The following PCDHGA9 variants were observed in gnomAD, a reference collection of about 807,000 sequenced individuals.
PCDHGA9 encodes protocadherin gamma subfamily A, 9.
A neutral mutation model predicts 62.5 loss-of-function variants in PCDHGA9; 37 were observed. That is an observed-to-expected ratio of 0.59 (90% CI 0.46 to 0.78). PCDHGA9 has a LOEUF of 0.78. Among genes scored for constraint, PCDHGA9 ranks in the 30% least tolerant of loss-of-function variants. PCDHGA9 has a pLI of 0.00. For missense variants in PCDHGA9, 1,138 were observed against 1,166.2 expected, an observed-to-expected ratio of 0.98 and a Z score of 0.35; for synonymous variants, 459 against 484.6, an observed-to-expected ratio of 0.95 and a Z score of 0.69.
chr5:141,425,337 G>A (rs1327677274), intron 1 of PCDHGA9, among the ~76,000 whole-genome samples: 1 of 152,186 alleles, frequency 6.6e-6, no homozygotes. Flanking sequence ...AAAAAGGAAG[G>A]GTTGGCTTTG....
rs752604165 is a variant in PCDHGA9, at chr5:141,494,771, G to A, written c.2425-36G>A. On this transcript the variant is annotated intron_variant, in intron 1 of 3. Coordinates refer to ENST00000573521, the MANE Select transcript of PCDHGA9 (RefSeq NM_018921.3). ...CTCGGGTGACATTCTAACTTCTCAC[G>A]GGTACTCAGCCCCTTTCCCTCTGTT... 74 of 1,613,730 alleles carry A rather than the reference G, an allele frequency of 4.6e-5. No homozygotes were observed. The East Asian group carries it at 1.6e-3, about 36-fold the overall frequency.
chr5:141,485,446 C>A lies in PCDHGA9; in HGVS notation c.2425-9361C>A. On this transcript the variant is annotated intron_variant, in intron 1 of 3. Transcript: ENST00000573521. This position sits in a 1 kb window ranked among gnomAD's most constrained non-coding sequence, Gnocchi z 5.7. ...CCCTGCTCATCAAGAACCCAATCGA[C>A]CGAGAGGCACTGTGTGGGCTCAGTG... is the stretch of plus-strand genomic sequence containing the variant. 6.2e-7 allele frequency: 1 copy of A among 1,614,156 alleles called. No individual in the cohort carries two copies. The highest frequency in any genetic ancestry group is 8.5e-7 in the Non-Finnish European group (1 of 1,180,018).
At chr5:141,425,381 A>C (rs1374877185) in intron 1 of PCDHGA9, among the ~76,000 whole-genome samples, 3 of 152,194 alleles carry the variant, frequency 2.0e-5, no homozygotes, top group African/African-American at 7.2e-5. Flanking sequence ...GTTGATTCGG[A>C]GGTAGTGATA....
chr5:141,415,756 T>C, intron 1 of PCDHGA9: 2 of 1,387,344 alleles, frequency 1.4e-6, no homozygotes, highest in Non-Finnish European at 1.9e-6. Flanking sequence ...TTTTTTTTTT[T>C]TTTTTTTTTT....
chr5:141,462,408 A>G (rs1240372917), intron 1 of PCDHGA9, among the ~76,000 whole-genome samples: 2 of 152,188 alleles, frequency 1.3e-5, no homozygotes, highest in Non-Finnish European at 2.9e-5. Context: ...ATGGCACAGA[A>G]TATGGTCTAT....
rs2099183566 is a variant in PCDHGA9, at chr5:141,468,861, A to G, written c.2425-25946A>G. 3.9e-5 allele frequency among the ~76,000 whole-genome samples: 6 copies of G among 152,168 alleles called. No homozygotes were observed. In the South Asian group the frequency reaches 1.2e-3, roughly 32 times the overall value. On this transcript the variant is annotated intron_variant, in intron 1 of 3. Coordinates refer to ENST00000573521, the MANE Select transcript of PCDHGA9 (RefSeq NM_018921.3). ...AGCCTGGGCAACAGAGCGAGACTCCATCTCAAAAATAATAATAATAATAAT... is the reference window on the plus strand; with the variant it reads ...AGCCTGGGCAACAGAGCGAGACTCCGTCTCAAAAATAATAATAATAATAAT...
chr5:141,494,782 C>T, intron 1 of PCDHGA9, 25 bp from the exon 2 acceptor site: 1 of 1,614,110 alleles, frequency 6.2e-7, no homozygotes. Context: ...GGTACTCAGC[C>T]CCTTTCCCTC....
chr5:141,431,071 A>G lies in PCDHGA9; in HGVS notation c.2424+25695A>G. The G allele has an allele frequency of 6.2e-7, 1 of 1,614,244 alleles. No homozygotes were observed. On this transcript the variant is annotated intron_variant, in intron 1 of 3. Coordinates refer to ENST00000573521, the MANE Select transcript of PCDHGA9 (RefSeq NM_018921.3). The surrounding 1 kb of genome is among the most constrained non-coding windows in gnomAD (Gnocchi z 4.8). ...GTATGGGGGCCATCAAGTGTCAATTAAATCTAGACATTCTGATGGAGGATA... is the reference window on the plus strand; with the variant it reads ...GTATGGGGGCCATCAAGTGTCAATTGAATCTAGACATTCTGATGGAGGATA...
rs2099749948 is a variant in PCDHGA9 at position 141,493,762 on chromosome 5, C to T, written c.2425-1045C>T. Among the ~76,000 whole-genome samples the T allele has an allele frequency of 1.3e-5, 2 of 152,130 alleles. No homozygotes were observed. Among genetic ancestry groups the T allele is most frequent in the South Asian group, 4.1e-4 (2 of 4,830 alleles). Reference sequence around the variant, plus strand: ...TGCCACCTGTGAGCCTTGAGTGAGCCACTGGCAGTTCCGGAGCTTCCTTCT... The same window carrying T: ...TGCCACCTGTGAGCCTTGAGTGAGCTACTGGCAGTTCCGGAGCTTCCTTCT... On this transcript the variant is annotated intron_variant, in intron 1 of 3. Transcript: ENST00000573521. The surrounding 1 kb of genome is among the most constrained non-coding windows in gnomAD (Gnocchi z 4.3).
At chr5:141,424,712 G>A (rs2096836283) in intron 1 of PCDHGA9, 1 of 152,126 alleles carries the variant, frequency 6.6e-6, no homozygotes, top group Non-Finnish European at 1.5e-5. Context: ...CATTTTCAGT[G>A]TAGTTGGGAG....
chr5:141,456,701 G>A lies in PCDHGA9; in HGVS notation c.2425-38106G>A, dbSNP rs370086323. ...CATTACTGGCCAGGCGTGGTGGCTC[G>A]CGCCTGTAATCCCAGCACTTTGGGA... On this transcript the variant is annotated intron_variant, in intron 1 of 3. Transcript: ENST00000573521. 2.3e-4 allele frequency among the ~76,000 whole-genome samples: 35 copies of A among 152,106 alleles called. No homozygotes were observed. The South Asian group carries it at 4.8e-3, about 21-fold the overall frequency.
chr5:141,420,187 C>T (rs1369031488), intron 1 of PCDHGA9: 7 of 1,613,824 alleles, frequency 4.3e-6, no homozygotes, highest in Non-Finnish European at 5.9e-6. Context: ...ATTGTCCAGC[C>T]ACACAAGATA....
chr5:141,428,632 G>A (rs574049916), intron 1 of PCDHGA9: 35 of 182,522 alleles, frequency 1.9e-4, no homozygotes, highest in African/African-American at 7.6e-4. Context: ...CTCTAACTCT[G>A]TTGCTCCTAC....
rs752401867 is a variant in PCDHGA9, at chr5:141,511,224, G to A, written c.*51G>A. On this transcript the variant is annotated 3_prime_UTR_variant, in exon 4 of 4. Transcript: ENST00000573521. ...GGGCGGCCTCTCCCCAACCAGCCCA[G>A]CTTCTCCTTACCTGCACCCAGGCCT... 1.2e-6 allele frequency: 2 copies of A among 1,603,276 alleles called. No homozygotes were observed.
At chr5:141,449,198 A>C (rs2098631518) in intron 1 of PCDHGA9, among the ~76,000 whole-genome samples, 1 of 152,188 alleles carries the variant, frequency 6.6e-6, no homozygotes, top group Non-Finnish European at 1.5e-5. Context: ...AAGAAGTGTT[A>C]ATTCTAACTT....
chr5:141,511,140 C>T lies in PCDHGA9; in HGVS notation c.2766C>T (p.Asn922=). Reference sequence around the variant, plus strand: ...AGGCCCCAGCAGGTGGCAATGGCAACAAGAAGAAGTCGGGCAAGAAGGAGA... The same window carrying T: ...AGGCCCCAGCAGGTGGCAATGGCAATAAGAAGAAGTCGGGCAAGAAGGAGA... ...DGKAPAGGNG[N]KKKSGKKEKK is the part of the protein sequence containing the mutation. Residue 922 remains asparagine (N), a synonymous_variant, in exon 4 of 4, where the codon AAC becomes AAT. Transcript: ENST00000573521. The T allele has an allele frequency of 1.2e-6, 2 of 1,614,186 alleles. No homozygotes were observed. The highest frequency in any genetic ancestry group is 1.3e-5 in the African/African-American group (1 of 75,050).
rs2097370658 is a variant in PCDHGA9 at position 141,431,413 on chromosome 5, C to T, written c.2424+26037C>T. The T allele has an allele frequency of 1.2e-6, 2 of 1,613,564 alleles. No homozygotes were observed. Among genetic ancestry groups the T allele is most frequent in the African/African-American group, 2.7e-5 (2 of 74,952 alleles). ...TGGTCCTTACGGCCTCCGACGGGGG[C>T]GACCCGGTGCGCACAGGCACCGCGC... On this transcript the variant is annotated intron_variant, in intron 1 of 3. Transcript: ENST00000573521. This position sits in a 1 kb window ranked among gnomAD's most constrained non-coding sequence, Gnocchi z 4.8.
At position 141,491,679 on chromosome 5, in the gene PCDHGA9, T is replaced by C. The variant is rs111288145; in HGVS notation, c.2425-3128T>C. On this transcript the variant is annotated intron_variant, in intron 1 of 3. Coordinates refer to ENST00000573521, the MANE Select transcript of PCDHGA9 (RefSeq NM_018921.3). This position sits in a 1 kb window ranked among gnomAD's most constrained non-coding sequence, Gnocchi z 6.9. ...CTGACGCCATCCGGTCCCGCTCTAA[T>C]ACGCTGCGGGAGCGGAGCCAGGTGA... is the stretch of plus-strand genomic sequence containing the variant. 21 of 1,613,378 alleles carry C rather than the reference T, an allele frequency of 1.3e-5. No homozygotes were observed. Among genetic ancestry groups the C allele is most frequent in the Middle Eastern group, 1.6e-4 (1 of 6,078 alleles).
chr5:141,495,873 C>G (rs2099764359), intron 2 of PCDHGA9, among the ~76,000 whole-genome samples: 1 of 152,146 alleles, frequency 6.6e-6, no homozygotes, highest in Admixed American at 6.6e-5. Flanking sequence ...CTGCTTTCCT[C>G]TCTGTTCTTT....
Sources: allele counts gnomAD v4.1 joint callset (sites outside exome capture counted in the v4.1 genomes callset), GRCh38; gene constraint gnomAD v4.1.1; non-coding constraint Gnocchi (gnomAD v3.1); transcripts MANE v1.5; gene names NCBI Gene and HGNC (gene_info 2026-07-23, HGNC 2026-07-21).